The following SFMBT2 variants were observed in gnomAD, a reference collection of about 807,000 sequenced individuals.
The protein encoded by SFMBT2 is Scm like with four mbt domains 2, also known as scm-like with four MBT domains protein 2.
SFMBT2 carries 38 observed loss-of-function variants against 110.1 expected under a neutral mutation model. The observed-to-expected ratio is 0.35, with a 90% CI of 0.27 to 0.45. The LOEUF (loss-of-function observed/expected upper bound fraction) is 0.45. Among genes scored for constraint, SFMBT2 ranks in the 20% least tolerant of loss-of-function variants. The pLI is 1.00. For synonymous variants in SFMBT2, 425 were observed against 425.4 expected (o/e 1.00, Z 0.01); for missense variants, 1,011 against 1,094.9 (o/e 0.92, Z 1.08).
At chr10:7,261,907 G>C (rs554189178) in intron 7 of SFMBT2, among the ~76,000 whole-genome samples, 3 of 152,352 alleles carry the variant, frequency 2.0e-5, no homozygotes, top group African/African-American at 7.2e-5. Flanking sequence ...GGACGGAAGA[G>C]AGAAAGCTCA....
chr10:7,322,956 A>G (rs1390307558), intron 4 of SFMBT2, among the ~76,000 whole-genome samples: 1 of 152,256 alleles, frequency 6.6e-6, no homozygotes, highest in East Asian at 1.9e-4. Flanking sequence ...TTCACCCAAG[A>G]GTATTCTTCA....
chr10:7,216,062 T>C (rs886196511), intron 11 of SFMBT2, among the ~76,000 whole-genome samples: 6 of 152,192 alleles, frequency 3.9e-5, no homozygotes, highest in African/African-American at 1.4e-4. Flanking sequence ...AACACCATGA[T>C]TGCCATTTTA....
chr10:7,262,947 G>A (rs1288440744), intron 7 of SFMBT2, among the ~76,000 whole-genome samples: 2 of 152,118 alleles, frequency 1.3e-5, no homozygotes, highest in African/African-American at 4.8e-5. Flanking sequence ...GCCAGGGACG[G>A]GTATTCAACG....
At chr10:7,313,599 G>A (rs1276627362) in intron 4 of SFMBT2, among the ~76,000 whole-genome samples, 3 of 152,190 alleles carry the variant, frequency 2.0e-5, no homozygotes, top group South Asian at 2.1e-4. Context: ...ATGAGCTACC[G>A]CACCCAGCCA....
At chr10:7,269,094 ATG>A (rs1841490036) in intron 7 of SFMBT2, among the ~76,000 whole-genome samples, 2 of 152,218 alleles carry the variant, frequency 1.3e-5, no homozygotes. Flanking sequence ...GAGGCTTTTA[ATG>A]TCCTTTGAGT....
chr10:7,221,875 G>A (rs1008949305), intron 10 of SFMBT2, among the ~76,000 whole-genome samples: 4 of 152,248 alleles, frequency 2.6e-5, no homozygotes, highest in Admixed American at 2.0e-4. Flanking sequence ...TCAACACACA[G>A]AACCATCCCT....
intron 16 of SFMBT2, among the ~76,000 whole-genome samples, chr10:7,180,988 C>T (rs930398611): frequency 3.9e-5 from 6 of 152,164 alleles, no homozygotes; most frequent in African/African-American, 1.4e-4. Flanking sequence ...GCCTGAGCCA[C>T]TCCCGTTAGA....
chr10:7,332,715 G>A (rs1284444743), intron 4 of SFMBT2, among the ~76,000 whole-genome samples: 1 of 152,164 alleles, frequency 6.6e-6, no homozygotes, highest in Non-Finnish European at 1.5e-5. Flanking sequence ...GTCCATGACA[G>A]AATTGCAAGA....
intron 14 of SFMBT2, 61 bp downstream of exon 14, chr10:7,200,353 T>C: frequency 1.5e-6 from 2 of 1,315,114 alleles, no homozygotes; most frequent in Non-Finnish European, 1.0e-6. Flanking sequence ...AACCTATACA[T>C]GTCTCTGCTC....
chr10:7,229,156 T>C (rs1325450816), intron 9 of SFMBT2, among the ~76,000 whole-genome samples: 3 of 150,402 alleles, frequency 2.0e-5, no homozygotes, highest in Non-Finnish European at 3.0e-5. Context: ...ATTTCTTATG[T>C]TTTTTTATCC....
chr10:7,230,032 T>C (rs924330003), intron 9 of SFMBT2, among the ~76,000 whole-genome samples: 1 of 151,840 alleles, frequency 6.6e-6, no homozygotes, highest in Non-Finnish European at 1.5e-5. Flanking sequence ...TATATATATA[T>C]ATATTTAAGA....
chr10:7,200,040 A>C (rs1460849373), intron 14 of SFMBT2, among the ~76,000 whole-genome samples: 1 of 152,260 alleles, frequency 6.6e-6, no homozygotes, highest in Admixed American at 6.5e-5. Context: ...GCAAGTGGAA[A>C]AATGCAAGTG....
At chr10:7,208,441 T>C (rs1426755520) in intron 11 of SFMBT2, among the ~76,000 whole-genome samples, 1 of 152,214 alleles carries the variant, frequency 6.6e-6, no homozygotes, top group East Asian at 1.9e-4. Flanking sequence ...TAACTTTATA[T>C]TGGGAGGCTG....
At chr10:7,402,748 T>C (rs376203889) in intron 1 of SFMBT2, among the ~76,000 whole-genome samples, 7 of 152,154 alleles carry the variant, frequency 4.6e-5, no homozygotes, top group African/African-American at 1.4e-4. Context: ...TGTGTGTACC[T>C]GGGACTCGCA....
At chr10:7,215,644 C>A in intron 11 of SFMBT2, 1 of 985,412 alleles carries the variant, frequency 1.0e-6, no homozygotes, top group Non-Finnish European at 1.2e-6. Context: ...CAGGGCCCCG[C>A]AGAGGCAGCA....
At chr10:7,215,349 G>A (rs898571641) in intron 11 of SFMBT2, among the ~76,000 whole-genome samples, 9 of 152,214 alleles carry the variant, frequency 5.9e-5, no homozygotes, top group South Asian at 4.1e-4. Flanking sequence ...GCAGTGAGCC[G>A]TGATCACACC....
intron 9 of SFMBT2, among the ~76,000 whole-genome samples, chr10:7,235,066 C>T (rs1484804193): frequency 1.3e-5 from 2 of 152,214 alleles, no homozygotes; most frequent in African/African-American, 4.8e-5. Context: ...GTGGCACACA[C>T]GGATGTGGGG....
chr10:7,212,356 T>A lies in SFMBT2; in HGVS notation c.1331-6428A>T, dbSNP rs115508252. Among the ~76,000 whole-genome samples, 619 of 152,288 alleles carry A rather than the reference T, an allele frequency of 4.1e-3. 6 individuals are homozygous for A. Among genetic ancestry groups the A allele is most frequent in the African/African-American group, 0.014 (588 of 41,554 alleles). On this transcript the variant is annotated intron_variant, in intron 11 of 20. Coordinates refer to ENST00000397167, the MANE Select transcript of SFMBT2 (RefSeq NM_001387889.1). The stretch of plus-strand genomic sequence containing the variant: ...CATTTTATTTCTTCCTCAGATCTAC[T>A]CAGCAAACGCTGAGCAAGCAAAGTT...
rs200366842 is a variant in SFMBT2, at chr10:7,197,682, C to T, written c.1564G>A (p.Val522Ile). 6.6e-5 allele frequency: 106 copies of T among 1,613,714 alleles called. No homozygotes were observed. Among genetic ancestry groups the T allele is most frequent in the South Asian group, 2.6e-4 (24 of 91,058 alleles). ...TGAGGACAGCAGTATTTCCCGTTGA[C>T]GGTTCCTGCAGGGGACAGCAACATA... ...LFPHLDTTGT[V>I]NGKYCCPQLF... The change falls in exon 15 of 21, where the codon GTC becomes ATC. Residue 522 changes from valine (V) to isoleucine (I), a missense_variant. By Grantham distance (29) the Val-to-Ile change is conservative. Around this residue, in one of 2 missense-constraint regions of SFMBT2, gnomAD observed 979 missense variants for 1,016.1 expected, o/e 0.96. Coordinates refer to ENST00000397167, the MANE Select transcript of SFMBT2 (RefSeq NM_001387889.1).
Sources: allele counts gnomAD v4.1 joint callset (sites outside exome capture counted in the v4.1 genomes callset), GRCh38; gene constraint gnomAD v4.1.1; regional missense constraint gnomAD v4.1.1; transcripts MANE v1.5; gene names NCBI Gene and HGNC (gene_info 2026-07-23, HGNC 2026-07-21).